The following VWA3B variants were observed in gnomAD, a reference collection of about 807,000 sequenced individuals.
VWA3B encodes the protein von Willebrand factor A domain containing 3B.
In VWA3B, 138 loss-of-function variants were observed where a neutral mutation model predicts 158.3. The ratio of observed to expected loss-of-function variants is 0.87; its 90% CI spans 0.76 to 1.00. VWA3B has a LOEUF of 1.00. Among genes scored for constraint, VWA3B ranks in the 50% least tolerant of loss-of-function variants. The pLI, the probability that VWA3B is intolerant of heterozygous loss-of-function variation, is 0.00. For synonymous variants in VWA3B, 596 were observed against 587.3 expected (o/e 1.01, Z -0.21); for missense variants, 1,555 against 1,565.1 (o/e 0.99, Z 0.11).
intron 7 of VWA3B, among the ~76,000 whole-genome samples, chr2:98,142,965 A>G (rs1214054827): frequency 6.6e-6 from 1 of 152,208 alleles, no homozygotes; most frequent in African/African-American, 2.4e-5. Flanking sequence ...AAACATATCA[A>G]TTATCACGTT....
chr2:98,225,730 T>G (rs971199581), intron 14 of VWA3B, among the ~76,000 whole-genome samples: 2 of 152,180 alleles, frequency 1.3e-5, no homozygotes, highest in Non-Finnish European at 2.9e-5. Context: ...CTGGAACTTT[T>G]ACGAGATTTC....
chr2:98,228,095 C>T (rs1487033010), intron 14 of VWA3B, 107 bp from the exon 15 acceptor site: 21 of 1,300,646 alleles, frequency 1.6e-5, no homozygotes, highest in African/African-American at 3.0e-5. Flanking sequence ...TCAAGACCAG[C>T]GTGGGCAACA....
At chr2:98,195,235 C>T (rs754639837) in intron 12 of VWA3B, among the ~76,000 whole-genome samples, 4 of 152,146 alleles carry the variant, frequency 2.6e-5, no homozygotes, top group Non-Finnish European at 5.9e-5. Flanking sequence ...ATCGTTTGAG[C>T]CCAGCAACTT....
At chr2:98,302,440 C>G (rs1243314643) in intron 25 of VWA3B, among the ~76,000 whole-genome samples, 1 of 152,160 alleles carries the variant, frequency 6.6e-6, no homozygotes, top group Non-Finnish European at 1.5e-5. Flanking sequence ...AACGACATTC[C>G]TAATGGAAAA....
chr2:98,150,017 G>T (rs1476471593), intron 7 of VWA3B, among the ~76,000 whole-genome samples: 1 of 152,172 alleles, frequency 6.6e-6, no homozygotes, highest in Non-Finnish European at 1.5e-5. Flanking sequence ...TTGTAAGGGT[G>T]TCTGCAAATA....
intron 20 of VWA3B, among the ~76,000 whole-genome samples, chr2:98,251,079 T>C (rs898786110): frequency 7.2e-5 from 11 of 152,030 alleles, no homozygotes; most frequent in African/African-American, 2.4e-4. Context: ...GCCTGGGTGA[T>C]AGAGTGAGAC....
intron 1 of VWA3B, among the ~76,000 whole-genome samples, chr2:98,092,824 A>ATG (rs1682426964): frequency 1.0e-5 from 1 of 97,192 alleles, no homozygotes; most frequent in Non-Finnish European, 2.1e-5. Flanking sequence ...TTGTATATAT[A>ATG]TATATATATA....
intron 9 of VWA3B, among the ~76,000 whole-genome samples, chr2:98,187,289 C>G (rs930030241): frequency 1.3e-5 from 2 of 152,174 alleles, no homozygotes; most frequent in Non-Finnish European, 2.9e-5. Flanking sequence ...ACTGTGAGCT[C>G]CATGAAGGCA....
chr2:98,299,469 G>A (rs936164285), intron 24 of VWA3B, among the ~76,000 whole-genome samples: 2 of 152,342 alleles, frequency 1.3e-5, no homozygotes, highest in South Asian at 2.1e-4. Context: ...GAGCCGGGAG[G>A]AGAAGCGCTG....
intron 8 of VWA3B, among the ~76,000 whole-genome samples, chr2:98,167,935 C>A (rs1679228058): frequency 3.3e-5 from 5 of 152,170 alleles, no homozygotes; most frequent in African/African-American, 4.8e-5. Context: ...CCTAAGAAAT[C>A]ATTAAAGCAA....
rs1690617154 is a variant in VWA3B at position 98,307,771 on chromosome 2, A to G, written c.3521+3969A>G. On this transcript the variant is annotated intron_variant, in intron 26 of 27. Coordinates refer to ENST00000477737, the MANE Select transcript of VWA3B (RefSeq NM_144992.5). ...TGATGCTTTCTTCACAGGCTATTAA[A>G]GACATGTACTGTAGGTTACATCTCC... Among the ~76,000 whole-genome samples, 3 of 152,368 alleles carry G rather than the reference A, an allele frequency of 2.0e-5. No homozygotes were observed. In the South Asian group the frequency reaches 6.2e-4, roughly 32 times the overall value.
the VWA3B span, among the ~76,000 whole-genome samples, chr2:98,318,499 T>G: frequency 2.0e-5 from 3 of 152,188 alleles, no homozygotes; most frequent in African/African-American, 7.2e-5. Flanking sequence ...ATGTTCTCAC[T>G]TATAAGTGGG....
intron 4 of VWA3B, among the ~76,000 whole-genome samples, chr2:98,120,323 A>G (rs1178381557): frequency 6.6e-6 from 1 of 152,150 alleles, no homozygotes; most frequent in African/African-American, 2.4e-5. Context: ...AAGTTATTGC[A>G]CCTCCCTGAC....
chr2:98,293,779 C>T (rs970530412), intron 23 of VWA3B, among the ~76,000 whole-genome samples: 1 of 151,980 alleles, frequency 6.6e-6, no homozygotes, highest in African/African-American at 2.4e-5. Flanking sequence ...ATTCAAAAAA[C>T]GTAACACTAT....
At chr2:98,139,176 C>T (rs1367340925) in intron 7 of VWA3B, among the ~76,000 whole-genome samples, 1 of 152,220 alleles carries the variant, frequency 6.6e-6, no homozygotes, top group Admixed American at 6.5e-5. Flanking sequence ...GTACTGGGTC[C>T]CCCAGCAGTG....
chr2:98,320,075 G>A, the VWA3B span, among the ~76,000 whole-genome samples: 4 of 152,138 alleles, frequency 2.6e-5, no homozygotes, highest in Non-Finnish European at 5.9e-5. Flanking sequence ...TAATTCCCAT[G>A]TGTCATGGGA....
intron 2 of VWA3B, among the ~76,000 whole-genome samples, chr2:98,096,970 T>C (rs996793845): frequency 2.0e-5 from 3 of 152,180 alleles, no homozygotes; most frequent in African/African-American, 7.2e-5. Flanking sequence ...ATTTGAGATA[T>C]ATATTTTTTG....
At chr2:98,290,485 A>G (rs1689421386) in intron 22 of VWA3B, 26 bp from the exon 23 acceptor site, 2 of 1,516,902 alleles carry the variant, frequency 1.3e-6, no homozygotes, top group South Asian at 2.5e-5. Context: ...TTTTCTCATC[A>G]ATTATTTCTG....
chr2:98,148,988 A>T (rs114543434), intron 7 of VWA3B, among the ~76,000 whole-genome samples: 2,001 of 152,294 alleles, frequency 0.013, 42 homozygotes, highest in African/African-American at 0.046. Context: ...GGGAGTGCAC[A>T]TGTGTGCTTG....
Sources: allele counts gnomAD v4.1 joint callset (sites outside exome capture counted in the v4.1 genomes callset), GRCh38; gene constraint gnomAD v4.1.1; transcripts MANE v1.5; gene names NCBI Gene and HGNC (gene_info 2026-07-23, HGNC 2026-07-21).